Variants in HCRTR2 observed in about 807,000 individuals in gnomAD.
The protein encoded by HCRTR2 is orexin receptor type 2.
In HCRTR2, 22 loss-of-function variants were observed where a neutral mutation model predicts 49.0. That is an observed-to-expected ratio of 0.45 (90% confidence interval 0.32 to 0.64). The LOEUF (loss-of-function observed/expected upper bound fraction) is 0.64, where lower values mean the gene tolerates loss of function less well. HCRTR2 is among the 30% of genes least tolerant of loss of function. HCRTR2 has a pLI of 0.04. For missense variants in HCRTR2, 491 were observed against 559.4 expected, an observed-to-expected ratio of 0.88 and a Z score of 1.23; for synonymous variants, 236 against 205.3, an observed-to-expected ratio of 1.15 and a Z score of -1.28.
intron 1 of HCRTR2, among the ~76,000 whole-genome samples, chr6:55,162,038 A>G (rs1258092993): frequency 6.6e-6 from 1 of 152,184 alleles, no homozygotes; most frequent in African/African-American, 2.4e-5. Context: ...CACAAAAAAG[A>G]AAATTTCAGG....
chr6:55,170,032 C>G (rs1581805228), upstream of HCRTR2, among the ~76,000 whole-genome samples: 1 of 111,548 alleles, frequency 9.0e-6, no homozygotes, highest in African/African-American at 3.5e-5. Context: ...TCTAAACAAC[C>G]TACCTATAAC....
At chr6:55,274,673 C>T (rs1444764905) in intron 4 of HCRTR2, among the ~76,000 whole-genome samples, 1 of 152,036 alleles carries the variant, frequency 6.6e-6, no homozygotes, top group African/African-American at 2.4e-5. Context: ...TAAGCCAACA[C>T]TGCATTGCTA....
At chr6:55,221,540 G>T (rs896522895) in intron 1 of HCRTR2, among the ~76,000 whole-genome samples, 4 of 152,138 alleles carry the variant, frequency 2.6e-5, no homozygotes, top group Admixed American at 2.6e-4. Context: ...TGGGCCGGGC[G>T]TGGTGGCTCA....
intron 1 of HCRTR2, among the ~76,000 whole-genome samples, chr6:55,183,135 A>C (rs776356257): frequency 2.5e-4 from 38 of 152,242 alleles, no homozygotes; most frequent in Non-Finnish European, 4.1e-4. Flanking sequence ...TTTGAAAGAT[A>C]GACACATAAA....
chr6:55,237,788 A>T (rs1766242054), intron 1 of HCRTR2, among the ~76,000 whole-genome samples: 1 of 152,188 alleles, frequency 6.6e-6, no homozygotes, highest in African/African-American at 2.4e-5. Context: ...AGAAATAGAA[A>T]CTATTTTGTA....
At chr6:55,236,781 C>T (rs1246153641) in intron 1 of HCRTR2, among the ~76,000 whole-genome samples, 3 of 151,944 alleles carry the variant, frequency 2.0e-5, no homozygotes, top group Non-Finnish European at 2.9e-5. Context: ...GTGATTTTCT[C>T]TTATATTTAT....
chr6:55,166,197 C>A (rs1385094198), intron 1 of HCRTR2, among the ~76,000 whole-genome samples: 1 of 151,932 alleles, frequency 6.6e-6, no homozygotes, highest in African/African-American at 2.4e-5. Context: ...GGTGTATTAT[C>A]TTTTTGATGT....
At chr6:55,212,657 A>T (rs1765717397) in intron 1 of HCRTR2, among the ~76,000 whole-genome samples, 2 of 152,176 alleles carry the variant, frequency 1.3e-5, no homozygotes, top group African/African-American at 2.4e-5. Flanking sequence ...TAACCTAAGG[A>T]TAATTAAACA....
chr6:55,204,685 A>G (rs565231045), intron 1 of HCRTR2, among the ~76,000 whole-genome samples: 1 of 152,270 alleles, frequency 6.6e-6, no homozygotes, highest in Admixed American at 6.5e-5. Context: ...AGAGAAAGTC[A>G]AGGATGTCAC....
At position 55,248,664 on chromosome 6, in the gene HCRTR2, C is replaced by T. The variant is rs1766491262; in HGVS notation, c.249C>T (p.His83=). 1.9e-6 allele frequency: 3 copies of T among 1,613,196 alleles called. No homozygotes were observed. In the South Asian group the frequency reaches 3.3e-5, roughly 18 times the overall value. ...TTTGTGTGGCAGTGTGGAAGAACCA[C>T]CACATGAGGACGGTAACCAACTACT... is the stretch of plus-strand genomic sequence containing the variant. ...VLVCVAVWKN[H]HMRTVTNYFI... is the part of the protein sequence containing the mutation. Residue 83 remains histidine (H), a synonymous_variant, in exon 2 of 7, where the codon CAC becomes CAT. Transcript: ENST00000370862.
At chr6:55,221,629 C>G (rs181705359) in intron 1 of HCRTR2, among the ~76,000 whole-genome samples, 1 of 151,666 alleles carries the variant, frequency 6.6e-6, no homozygotes, top group East Asian at 2.0e-4. Context: ...CTGGCTAACA[C>G]AGTGAAACCC....
At chr6:55,233,108 T>C (rs1766146556) in intron 1 of HCRTR2, among the ~76,000 whole-genome samples, 1 of 151,584 alleles carries the variant, frequency 6.6e-6, no homozygotes, top group Non-Finnish European at 1.5e-5. Context: ...TTTTTTTTTT[T>C]GATGGTGTCT....
intron 1 of HCRTR2, among the ~76,000 whole-genome samples, chr6:55,157,250 A>G (rs150115816): frequency 4.0e-3 from 602 of 152,372 alleles, no homozygotes; most frequent in Non-Finnish European, 4.9e-3. Flanking sequence ...GAAAATGAAA[A>G]TAACAAAACA....
intron 1 of HCRTR2, among the ~76,000 whole-genome samples, chr6:55,134,549 A>G (rs1764408001): frequency 6.6e-6 from 1 of 151,904 alleles, no homozygotes; most frequent in Admixed American, 6.6e-5. Flanking sequence ...TATAGTCACT[A>G]TGCTATATAT....
intron 1 of HCRTR2, among the ~76,000 whole-genome samples, chr6:55,158,573 C>A (rs1164995361): frequency 6.6e-6 from 1 of 152,174 alleles, no homozygotes; most frequent in Non-Finnish European, 1.5e-5. Context: ...TTCTCACTGC[C>A]AGTGCAGCAG....
intron 1 of HCRTR2, among the ~76,000 whole-genome samples, chr6:55,165,480 A>T (rs9396055): frequency 0.44 from 66,038 of 151,410 alleles, 15,243 homozygotes; most frequent in East Asian, 0.78. Flanking sequence ...CCCAAAATAG[A>T]TTAAAGACCT....
intron 1 of HCRTR2, among the ~76,000 whole-genome samples, chr6:55,150,506 C>T (rs776255919): frequency 6.6e-6 from 1 of 151,968 alleles, no homozygotes; most frequent in African/African-American, 2.4e-5. Flanking sequence ...TTTCCACCTC[C>T]CCCGGCCCTG....
intron 3 of HCRTR2, among the ~76,000 whole-genome samples, chr6:55,255,950 G>T (rs142319522): frequency 8.9e-4 from 136 of 152,256 alleles, no homozygotes; most frequent in African/African-American, 3.2e-3. Context: ...TCCAGTTTAA[G>T]AATTATATTA....
intron 1 of HCRTR2, among the ~76,000 whole-genome samples, chr6:55,149,776 A>C (rs536869284): frequency 1.3e-5 from 2 of 152,076 alleles, no homozygotes; most frequent in Admixed American, 1.3e-4. Flanking sequence ...ACATCTGTAT[A>C]AAATGTGAAG....
Sources: gnomAD v4.1 joint callset for allele counts (sites outside exome capture counted in the v4.1 genomes callset) on GRCh38, gnomAD v4.1.1 for gene constraint, MANE v1.5 for transcripts, NCBI Gene and HGNC (gene_info 2026-07-23, HGNC 2026-07-21) for gene names.